The following TTC34 variants were observed in gnomAD, a reference collection of about 807,000 sequenced individuals.
TTC34 encodes tetratricopeptide repeat protein 34.
In TTC34, 44 loss-of-function variants were observed where a neutral mutation model predicts 40.7. The observed-to-expected ratio is 1.08, with a 90% CI of 0.85 to 1.39. The LOEUF (loss-of-function observed/expected upper bound fraction) is 1.39, where lower values mean the gene tolerates loss of function less well. Among genes scored for constraint, TTC34 ranks in the 40% most tolerant of loss-of-function variants. TTC34 has a pLI of 0.00. For synonymous variants in TTC34, 422 were observed against 398.6 expected, an observed-to-expected ratio of 1.06 and a Z score of -0.70; for missense variants, 884 against 838.0, an observed-to-expected ratio of 1.05 and a Z score of -0.68.
chr1:2,641,457 C>G (rs755584629), exon 9 of TTC34: 6 of 1,535,464 alleles, frequency 3.9e-6, no homozygotes, highest in South Asian at 2.4e-5. Context: ...ACCAGGAGGC[C>G]GCTCTCTACC....
chr1:2,638,043 G>C (rs1638825480), exon 9 of TTC34: 1 of 152,112 alleles, frequency 6.6e-6, no homozygotes, highest in Non-Finnish European at 1.5e-5. Flanking sequence ...TCTGAGAGTA[G>C]CCTTTATTTA....
At chr1:2,767,209 T>A (rs1472166688) in intron 6 of TTC34, among the ~76,000 whole-genome samples, 22 of 31,684 alleles carry the variant, frequency 6.9e-4, no homozygotes, top group Non-Finnish European at 2.0e-4. Context: ...CACCTCCAGG[T>A]GAGCATCTGA....
chr1:2,755,944 C>A (rs1269022931), intron 6 of TTC34, among the ~76,000 whole-genome samples: 2 of 72,766 alleles, frequency 2.7e-5, no homozygotes, highest in African/African-American at 1.1e-4. Flanking sequence ...GCACCCTGCA[C>A]CCCCAGGTGA....
intron 7 of TTC34, 115 bp from the exon 8 acceptor site, chr1:2,644,593 A>G: frequency 9.1e-7 from 1 of 1,096,102 alleles, no homozygotes; most frequent in Non-Finnish European, 1.3e-6. Context: ...GGAGCTGATG[A>G]TGGCTCAGCC....
In TTC34 at chr1:2,645,399, C is replaced by T. The variant is rs1638999618; in HGVS notation, c.2391G>A (p.Glu797=). Residue 797 remains glutamate, a synonymous_variant, in exon 7 of 9, where the codon GAG becomes GAA. Coordinates refer to ENST00000401095, the Ensembl canonical transcript of TTC34. The surrounding 1 kb of genome is among the most constrained non-coding windows in gnomAD (Gnocchi z 4.7). The stretch of plus-strand genomic sequence containing the variant: ...CAAGGAGGCCCTGGGTGTCCTTGTC[C>T]TCGAGAGGGGCCCCAGTGTCTGGCA... The T allele has an allele frequency of 6.5e-7, 1 of 1,535,742 alleles. No homozygotes were observed.
intron 6 of TTC34, among the ~76,000 whole-genome samples, chr1:2,646,858 C>T (rs755822786): frequency 6.6e-6 from 1 of 152,220 alleles, no homozygotes; most frequent in Non-Finnish European, 1.5e-5. Flanking sequence ...TCACTGATGA[C>T]GAATCTCTCA....
chr1:2,687,384 C>G (rs1227137782), intron 6 of TTC34, among the ~76,000 whole-genome samples: 1 of 150,890 alleles, frequency 6.6e-6, no homozygotes, highest in Admixed American at 6.6e-5. Flanking sequence ...GAGCATCTGA[C>G]AGCCTGGAAC....
chr1:2,695,878 C>CCA (rs1640841839), intron 6 of TTC34, among the ~76,000 whole-genome samples: 1 of 90,144 alleles, frequency 1.1e-5, no homozygotes. Context: ...ACCCACACCC[C>CCA]GAGGCGAGCA....
At chr1:2,683,661 C>A (rs1321478032) in intron 6 of TTC34, among the ~76,000 whole-genome samples, 1 of 146,760 alleles carries the variant, frequency 6.8e-6, no homozygotes, top group Non-Finnish European at 1.5e-5. Flanking sequence ...CAGCCTGGAG[C>A]AGCACGCTGC....
chr1:2,755,692 A>C (rs2100445427), intron 6 of TTC34, among the ~76,000 whole-genome samples: 1 of 72,864 alleles, frequency 1.4e-5, no homozygotes, highest in Non-Finnish European at 2.4e-5. Flanking sequence ...ATCGTGGAGC[A>C]GCACCCCAAA....
intron 6 of TTC34, among the ~76,000 whole-genome samples, chr1:2,652,968 C>G (rs973793580): frequency 6.6e-6 from 1 of 151,282 alleles, no homozygotes; most frequent in African/African-American, 2.4e-5. Context: ...TGCCCACACC[C>G]CCAGGTGAGC....
intron 6 of TTC34, among the ~76,000 whole-genome samples, chr1:2,672,515 T>C (rs1156749136): frequency 4.6e-3 from 170 of 36,700 alleles, no homozygotes; most frequent in African/African-American, 6.4e-3. Context: ...TGACCACACC[T>C]CCAGGTGAGC....
At chr1:2,700,024 C>T (rs1484083895) in intron 6 of TTC34, among the ~76,000 whole-genome samples, 5 of 120,168 alleles carry the variant, frequency 4.2e-5, no homozygotes, top group South Asian at 2.5e-4. Context: ...CCCAGGTGAG[C>T]ATCTGATAGC....
At chr1:2,779,764 T>C (rs1014946508) in intron 6 of TTC34, among the ~76,000 whole-genome samples, 1 of 152,216 alleles carries the variant, frequency 6.6e-6, no homozygotes, top group African/African-American at 2.4e-5. Flanking sequence ...TTTTAAAAAC[T>C]TCATAGTAGC....
chr1:2,800,518 C>A, exon 2 of TTC34: 3 of 397,574 alleles, frequency 7.5e-6, no homozygotes, highest in Non-Finnish European at 1.3e-5. Context: ...TGCAGGATGG[C>A]GGCGGGGTGG....
intron 6 of TTC34, among the ~76,000 whole-genome samples, chr1:2,753,967 A>G (rs1460352538): frequency 5.5e-5 from 4 of 73,276 alleles, no homozygotes; most frequent in Non-Finnish European, 9.2e-5. Flanking sequence ...AACCTGGAGC[A>G]GCACCCACAC....
chr1:2,652,248 C>A (rs1570753120), intron 6 of TTC34, among the ~76,000 whole-genome samples: 1 of 151,058 alleles, frequency 6.6e-6, no homozygotes, highest in South Asian at 2.1e-4. Context: ...ACCCACACCC[C>A]CAGGTGAGCA....
At chr1:2,649,626 C>T (rs559306026) in intron 6 of TTC34, among the ~76,000 whole-genome samples, 150 of 152,282 alleles carry the variant, frequency 9.9e-4, no homozygotes, top group African/African-American at 3.4e-3. Flanking sequence ...CTGCAACCAC[C>T]GCCCCCAGGT....
intron 6 of TTC34, among the ~76,000 whole-genome samples, chr1:2,677,841 A>ATG (rs1639973742): frequency 8.1e-5 from 3 of 36,928 alleles, no homozygotes; most frequent in Non-Finnish European, 1.4e-4. Flanking sequence ...GGTCTGGAGC[A>ATG]GCACCCACAC....
Sources: gnomAD v4.1 joint callset for allele counts (sites outside exome capture counted in the v4.1 genomes callset) on GRCh38, gnomAD v4.1.1 for gene constraint, Gnocchi (gnomAD v3.1) non-coding constraint, MANE v1.5 for transcripts, NCBI Gene and HGNC (gene_info 2026-07-23, HGNC 2026-07-21) for gene names.